Variants in DDX52 observed in about 807,000 individuals in gnomAD.
DDX52 encodes the protein probable ATP-dependent RNA helicase DDX52.
Under a neutral mutation model 76.1 loss-of-function variants are expected in DDX52, and 59 were observed. The ratio of observed to expected loss-of-function variants is 0.78; its 90% CI spans 0.63 to 0.96. DDX52 has a LOEUF of 0.96. Ranked by LOEUF, DDX52 falls within the 40% of genes least tolerant of loss-of-function variation. DDX52 has a pLI of 0.00. For missense variants in DDX52, 707 were observed against 703.9 expected, an observed-to-expected ratio of 1.00 and a Z score of -0.05; for synonymous variants, 231 against 244.1, an observed-to-expected ratio of 0.95 and a Z score of 0.50.
intron 1 of DDX52, among the ~76,000 whole-genome samples, chr17:37,642,519 C>G (rs1354109089): frequency 6.6e-6 from 1 of 152,150 alleles, no homozygotes; most frequent in African/African-American, 2.4e-5. Flanking sequence ...TATATGCTTA[C>G]TAAATGTCAA....
intron 4 of DDX52, chr17:37,631,397 T>A (rs2030676061): frequency 6.6e-6 from 1 of 152,244 alleles, no homozygotes; most frequent in South Asian, 2.1e-4. Flanking sequence ...TCCACTCATA[T>A]AAAACTCTAG....
chr17:37,623,274 A>G (rs897898882), intron 9 of DDX52, among the ~76,000 whole-genome samples: 4 of 152,106 alleles, frequency 2.6e-5, no homozygotes, highest in Non-Finnish European at 5.9e-5. Context: ...ATGTAGTCAC[A>G]ATTAGCCGGG....
At chr17:37,615,187 T>A (rs2064410640) in intron 14 of DDX52, 1 of 152,196 alleles carries the variant, frequency 6.6e-6, no homozygotes, top group Admixed American at 6.5e-5. Context: ...ATGGGTGGGA[T>A]CATTAAGGAA....
In DDX52 at chr17:37,614,039, G is replaced by A; in HGVS notation, c.*257C>T. ...GTTACTCAGGAGGCTAAGGCAGGAG[G>A]ATTGTGTGAGGTCAGGAGTTCAAGA... On this transcript the variant is annotated 3_prime_UTR_variant, in exon 15 of 15. Transcript: ENST00000617633. 5.2e-6 allele frequency: 2 copies of A among 386,890 alleles called. No individual in the cohort carries two copies. Among genetic ancestry groups the A allele is most frequent in the Non-Finnish European group, 9.2e-6 (2 of 218,256 alleles). 24.0% of individuals were successfully genotyped at this position (386,890 alleles called of 1,614,324 possible).
chr17:37,629,462 C>G (rs1457722243), intron 5 of DDX52, among the ~76,000 whole-genome samples: 1 of 152,060 alleles, frequency 6.6e-6, no homozygotes, highest in Non-Finnish European at 1.5e-5. Context: ...CACTTGAACC[C>G]AGGAGTTCAA....
chr17:37,621,926 T>C (rs1043240853), intron 9 of DDX52, among the ~76,000 whole-genome samples: 6 of 152,202 alleles, frequency 3.9e-5, no homozygotes, highest in Non-Finnish European at 8.8e-5. Context: ...CTTATGGATT[T>C]AGGGGTACAG....
intron 9 of DDX52, chr17:37,624,065 C>T (rs2030236737): frequency 4.6e-6 from 1 of 216,720 alleles, no homozygotes; most frequent in Admixed American, 5.7e-5. Flanking sequence ...CTAATCTGAG[C>T]TGCGAAAAGA....
chr17:37,624,269 A>C, intron 9 of DDX52, 75 bp downstream of exon 9: 3 of 1,089,068 alleles, frequency 2.8e-6, no homozygotes, highest in Non-Finnish European at 4.1e-6. Context: ...CAGTGCTACC[A>C]CTGTAATAGC....
intron 8 of DDX52, among the ~76,000 whole-genome samples, chr17:37,624,644 T>C (rs1012635270): frequency 6.6e-6 from 1 of 152,196 alleles, no homozygotes; most frequent in Non-Finnish European, 1.5e-5. Context: ...TATCTTGAAA[T>C]GCCACCCATT....
rs1158587274 is a variant in DDX52 at position 37,625,884 on chromosome 17, C to T, written c.1136+11G>A. 6.2e-7 allele frequency: 1 copy of T among 1,613,512 alleles called. No individual in the cohort carries two copies. Among genetic ancestry groups the T allele is most frequent in the Non-Finnish European group, 8.5e-7 (1 of 1,179,700 alleles). On this transcript the variant is annotated intron_variant, in intron 8 of 14. Coordinates refer to ENST00000617633, the MANE Select transcript of DDX52 (RefSeq NM_007010.5). ...AAATCAGTGTGATAATGTTGAGAAA[C>T]AATTAAATACCTTGCTCCAATGGAC...
Position 37,628,664 on chromosome 17 carries a change from TC to T in DDX52, c.755del (p.Arg252LysfsTer3). 1.3e-6 allele frequency: 2 copies of T among 1,590,434 alleles called. No individual in the cohort carries two copies. Among genetic ancestry groups the T allele is most frequent in the Non-Finnish European group, 1.7e-6 (2 of 1,171,524 alleles). On this transcript the variant is annotated frameshift_variant, in exon 6 of 15. Transcript: ENST00000617633. LOFTEE classifies it high-confidence loss of function. ...TTCCCTCAGAAATTTTTATTAACTC[TC>T]TGTGAATCTAAAAAAAAAAAGATTA... ...PTRELASQIH[R>X]ELIKISEGTG...
intron 2 of DDX52, among the ~76,000 whole-genome samples, chr17:37,635,153 A>G (rs888686774): frequency 5.3e-5 from 8 of 152,136 alleles, no homozygotes; most frequent in Admixed American, 5.2e-4. Context: ...CAAAGCAAAG[A>G]CTAGTTCTAA....
At chr17:37,618,435 G>C in intron 13 of DDX52, 51 bp from the exon 14 acceptor site, 1 of 1,428,318 alleles carries the variant, frequency 7.0e-7, no homozygotes, top group Non-Finnish European at 9.5e-7. Context: ...ACTTCAATTA[G>C]AAGAGTTAAA....
chr17:37,638,961 G>A (rs774005335), intron 2 of DDX52, among the ~76,000 whole-genome samples: 9 of 151,576 alleles, frequency 5.9e-5, no homozygotes, highest in Non-Finnish European at 7.4e-5. Context: ...TAGTAGAGAC[G>A]GAGTTTCACC....
intron 6 of DDX52, among the ~76,000 whole-genome samples, chr17:37,627,636 A>G (rs1285869470): frequency 6.6e-6 from 1 of 151,814 alleles, no homozygotes; most frequent in Non-Finnish European, 1.5e-5. Context: ...AATTTTATGC[A>G]GAGGCCCAAG....
chr17:37,620,933 G>A lies in DDX52; in HGVS notation c.1517C>T (p.Ala506Val), dbSNP rs749038707. The change falls in exon 12 of 15, where the codon GCA (alanine) becomes GTA (valine). Residue 506 changes from alanine to valine, a missense_variant. By Grantham distance (64) the Ala-to-Val change is moderately conservative (BLOSUM62 0). Transcript: ENST00000617633. ...TGTAATTGCTTTTCCCTTATTCCCT[G>A]CTCTTCCAGTTCGACCTAAGAAAAA... ...YIHRIGRTGR[A>V]GNKGKAITFF... 1.9e-6 allele frequency: 3 copies of A among 1,594,014 alleles called. No individual in the cohort carries two copies. The highest frequency in any genetic ancestry group is 2.6e-6 in the Non-Finnish European group (3 of 1,174,336).
chr17:37,619,968 T>C, intron 12 of DDX52, 129 bp from the exon 13 acceptor site: 1 of 823,556 alleles, frequency 1.2e-6, no homozygotes, highest in Non-Finnish European at 1.9e-6. Context: ...TCTGATATAT[T>C]ATCAATTATT....
chr17:37,628,769 A>G, intron 5 of DDX52, 97 bp from the exon 6 acceptor site: 1 of 859,404 alleles, frequency 1.2e-6, no homozygotes, highest in Non-Finnish European at 1.7e-6. Flanking sequence ...TTACCAACCC[A>G]TGAATATCTG....
chr17:37,620,075 T>C (rs2030003775), intron 12 of DDX52: 1 of 417,692 alleles, frequency 2.4e-6, no homozygotes, highest in Admixed American at 3.9e-5. Flanking sequence ...TTTCAACATT[T>C]ATCAAGCCCT....
Sources: gnomAD v4.1 joint callset for allele counts (sites outside exome capture counted in the v4.1 genomes callset) on GRCh38, gnomAD v4.1.1 for gene constraint, MANE v1.5 for transcripts, NCBI Gene and HGNC (gene_info 2026-07-23, HGNC 2026-07-21) for gene names.